ABCC1: variants seen among roughly 807,000 people sequenced by gnomAD.
The protein encoded by ABCC1 is ATP binding cassette subfamily C member 1 (ABCC1 blood group).
Under a neutral mutation model 172.9 loss-of-function variants are expected in ABCC1, and 83 were observed. The observed-to-expected ratio is 0.48, with a 90% CI of 0.40 to 0.58. The LOEUF is 0.58. ABCC1 is among the 20% of genes least tolerant of loss of function. ABCC1 has a pLI of 0.00. For missense variants in ABCC1, 1,817 were observed against 2,002.7 expected, an observed-to-expected ratio of 0.91 and a Z score of 1.77; for synonymous variants, 937 against 825.2, an observed-to-expected ratio of 1.14 and a Z score of -2.32.
chr16:16,046,998 C>T (rs1206001364), intron 9 of ABCC1, among the ~76,000 whole-genome samples: 7 of 152,008 alleles, frequency 4.6e-5, no homozygotes, highest in African/African-American at 1.7e-4. Flanking sequence ...AAGTTCAATA[C>T]CAGCCTGGTC....
At chr16:16,044,755 C>T in intron 8 of ABCC1, 75 bp downstream of exon 8, 4 of 1,382,272 alleles carry the variant, frequency 2.9e-6, no homozygotes, top group Admixed American at 1.8e-5. Flanking sequence ...TCAGTCATAA[C>T]CCTGGGGTCA....
chr16:15,984,618 G>A (rs1378655099), intron 1 of ABCC1, among the ~76,000 whole-genome samples: 2 of 151,788 alleles, frequency 1.3e-5, no homozygotes, highest in African/African-American at 4.8e-5. Flanking sequence ...CTAATTTTTG[G>A]TATCTTTAGT....
At chr16:16,106,658 A>G in intron 20 of ABCC1, 80 bp from the exon 21 acceptor site, 1 of 1,580,148 alleles carries the variant, frequency 6.3e-7, no homozygotes. Flanking sequence ...TCAGACCCAC[A>G]ATAGCAGTCC....
rs531442667 is a variant in ABCC1, at chr16:16,048,180, G to A, written c.1257G>A (p.Thr419=). 15 of 1,614,022 alleles carry A rather than the reference G, an allele frequency of 9.3e-6. No homozygotes were observed. Among genetic ancestry groups the A allele is most frequent in the South Asian group, 2.2e-5 (2 of 91,086 alleles). The change falls in exon 10 of 31, where the codon ACG becomes ACA. Residue 419 remains threonine (T), a synonymous_variant. Transcript: ENST00000399410. The part of the protein sequence containing the change: ...VITNSARKSS[T]VGEIVNLMSV... ...CCAATTCAGCCAGAAAATCCTCCAC[G>A]GTCGGGGAGATTGTCAACCTCATGT... is the stretch of plus-strand genomic sequence containing the variant.
intron 14 of ABCC1, among the ~76,000 whole-genome samples, chr16:16,074,947 CTT>C (rs71137910): frequency 0.7 from 89,574 of 128,812 alleles, 30,415 homozygotes; most frequent in Non-Finnish European, 0.73. Flanking sequence ...TTTTCTTTTT[CTT>C]TTTTTTTTTT....
At chr16:16,026,135 T>C (rs1204756632) in intron 5 of ABCC1, among the ~76,000 whole-genome samples, 1 of 152,136 alleles carries the variant, frequency 6.6e-6, no homozygotes, top group Non-Finnish European at 1.5e-5. Context: ...CCACGTCAGA[T>C]AGAGGCTGTT....
chr16:16,024,977 C>G (rs781149208), intron 5 of ABCC1, among the ~76,000 whole-genome samples: 8 of 151,976 alleles, frequency 5.3e-5, no homozygotes, highest in Non-Finnish European at 1.2e-4. Flanking sequence ...CCAATCTGGT[C>G]AACATAGTGA....
rs10673887 is a variant in ABCC1, at chr16:16,124,377, CTGTGTG to C, written c.3591-384_3591-379del. 5.8e-3 allele frequency among the ~76,000 whole-genome samples: 260 copies of C among 44,880 alleles called. 6 individuals carry two copies. Among genetic ancestry groups the C allele is most frequent in the African/African-American group, 0.014 (220 of 15,754 alleles). The allele number at this position is 44,880 out of a possible 152,430, so 29.4% of individuals were successfully genotyped here. Reference sequence around the variant, plus strand: ...TATAGGAGTGACCCACTACGCCCGGCTGTGTGTGTGTGTGTGTGTGTGTGTGTGTGT... The same window carrying C: ...TATAGGAGTGACCCACTACGCCCGGCTGTGTGTGTGTGTGTGTGTGTGTGT... On this transcript the variant is annotated intron_variant, in intron 24 of 30. Transcript: ENST00000399410.
At chr16:16,082,868 G>A (rs1238246727) in intron 16 of ABCC1, among the ~76,000 whole-genome samples, 2 of 152,186 alleles carry the variant, frequency 1.3e-5, no homozygotes, top group African/African-American at 2.4e-5. Flanking sequence ...GGCTGGCTTT[G>A]AACTCCTGAC....
intron 18 of ABCC1, among the ~76,000 whole-genome samples, chr16:16,090,111 G>A (rs919065798): frequency 6.6e-6 from 1 of 152,140 alleles, no homozygotes; most frequent in East Asian, 1.9e-4. Flanking sequence ...ACTAGTGTTC[G>A]TTTCTCCTGC....
chr16:15,999,866 C>CT (rs372230924), intron 1 of ABCC1, among the ~76,000 whole-genome samples: 33 of 63,072 alleles, frequency 5.2e-4, no homozygotes, highest in Non-Finnish European at 1.2e-3. Context: ...TTCTTTCTTT[C>CT]TTTCTTTCAG....
At chr16:15,960,684 G>C (rs2046107233) in intron 1 of ABCC1, among the ~76,000 whole-genome samples, 1 of 152,170 alleles carries the variant, frequency 6.6e-6, no homozygotes, top group African/African-American at 2.4e-5. Context: ...TGACCCCAGA[G>C]CTCAGTGGCA....
intron 1 of ABCC1, among the ~76,000 whole-genome samples, chr16:15,999,171 G>GT (rs1016866270): frequency 1.3e-5 from 2 of 151,698 alleles, no homozygotes; most frequent in East Asian, 2.0e-4. Flanking sequence ...TGGCTAATTT[G>GT]TTTTTTAATA....
intron 9 of ABCC1, among the ~76,000 whole-genome samples, chr16:16,046,600 C>T (rs1317383663): frequency 6.6e-6 from 1 of 152,172 alleles, no homozygotes; most frequent in East Asian, 1.9e-4. Context: ...CTGCCTCAGC[C>T]TCCCAAAGTG....
At chr16:16,039,838 G>A (rs759802593) in intron 7 of ABCC1, among the ~76,000 whole-genome samples, 3 of 152,168 alleles carry the variant, frequency 2.0e-5, no homozygotes, top group Non-Finnish European at 4.4e-5. Context: ...TCCAGGTAGA[G>A]GGAGCAGCCA....
At position 16,002,584 on chromosome 16, in the gene ABCC1, G is replaced by C. The variant is rs1408176443; in HGVS notation, c.49-5232G>C. ...GCTCAGGACTTTGAGACCAGCCTGAGCAACATGGCAAAACCCCATTTCTAC... is the reference window on the plus strand; with the variant it reads ...GCTCAGGACTTTGAGACCAGCCTGACCAACATGGCAAAACCCCATTTCTAC... On this transcript the variant is annotated intron_variant, in intron 1 of 30. Transcript: ENST00000399410. 3.3e-5 allele frequency among the ~76,000 whole-genome samples: 5 copies of C among 152,228 alleles called. No homozygotes were observed. The East Asian group carries it at 9.7e-4, about 29-fold the overall frequency.
intron 19 of ABCC1, among the ~76,000 whole-genome samples, chr16:16,101,079 T>G (rs529647125): frequency 2.0e-5 from 3 of 152,098 alleles, no homozygotes; most frequent in Non-Finnish European, 4.4e-5. Context: ...TCACCCAGGC[T>G]GGAGTGTGGT....
chr16:16,062,218 C>T (rs1006864617), intron 12 of ABCC1, among the ~76,000 whole-genome samples: 1 of 152,208 alleles, frequency 6.6e-6, no homozygotes, highest in African/African-American at 2.4e-5. Context: ...ACATTGGATT[C>T]GTTGGCAAAA....
At chr16:15,995,393 A>G (rs1237718865) in intron 1 of ABCC1, among the ~76,000 whole-genome samples, 3 of 152,170 alleles carry the variant, frequency 2.0e-5, no homozygotes, top group African/African-American at 4.8e-5. Flanking sequence ...CTGAAATGTC[A>G]TCTTGGCCCA....
Sources: allele counts gnomAD v4.1 joint callset (sites outside exome capture counted in the v4.1 genomes callset), GRCh38; gene constraint gnomAD v4.1.1; transcripts MANE v1.5; gene names NCBI Gene and HGNC (gene_info 2026-07-23, HGNC 2026-07-21).